CNTNAP2: variants seen among roughly 807,000 people sequenced by gnomAD.
CNTNAP2 encodes contactin-associated protein-like 2.
In CNTNAP2, 98 loss-of-function variants were observed where a neutral mutation model predicts 155.2. That is an observed-to-expected ratio of 0.63 (90% CI 0.54 to 0.75). The LOEUF is 0.75. Ranked by LOEUF, CNTNAP2 falls within the 30% of genes least tolerant of loss-of-function variation. The pLI, the probability that CNTNAP2 is intolerant of heterozygous loss-of-function variation, is 0.00. For missense variants in CNTNAP2, 1,727 were observed against 1,688.1 expected (o/e 1.02, Z -0.40); for synonymous variants, 651 against 631.2 (o/e 1.03, Z -0.47).
At chr7:146,977,205 G>A (rs969755489) in intron 3 of CNTNAP2, among the ~76,000 whole-genome samples, 4 of 152,170 alleles carry the variant, frequency 2.6e-5, no homozygotes, top group African/African-American at 7.2e-5. Context: ...AAAACTTGCA[G>A]AGAGAAATGA....
intron 9 of CNTNAP2, among the ~76,000 whole-genome samples, chr7:147,359,269 A>G (rs1796110585): frequency 1.3e-5 from 2 of 152,230 alleles, no homozygotes; most frequent in South Asian, 4.1e-4. Flanking sequence ...TGACTCAATC[A>G]TCAGCAAATC....
intron 12 of CNTNAP2, among the ~76,000 whole-genome samples, chr7:147,626,068 G>A (rs1393230798): frequency 6.6e-6 from 1 of 152,114 alleles, no homozygotes; most frequent in Non-Finnish European, 1.5e-5. Flanking sequence ...GGCCCTTGGG[G>A]AAGGCAGCCA....
chr7:147,278,157 C>T (rs187760336), intron 8 of CNTNAP2, among the ~76,000 whole-genome samples: 1 of 150,440 alleles, frequency 6.6e-6, no homozygotes, highest in East Asian at 2.0e-4. Flanking sequence ...GCCTCCTACA[C>T]TTCCATCCCT....
intron 4 of CNTNAP2, among the ~76,000 whole-genome samples, chr7:147,093,102 G>A (rs534368965): frequency 6.4e-4 from 97 of 151,276 alleles, no homozygotes; most frequent in South Asian, 2.9e-3. Flanking sequence ...TTAGCCGGGC[G>A]TGGTGGCGGA....
chr7:148,153,134 A>T (rs1294441694), intron 17 of CNTNAP2, among the ~76,000 whole-genome samples: 1 of 151,450 alleles, frequency 6.6e-6, no homozygotes, highest in Non-Finnish European at 1.5e-5. Context: ...CTGTGAGGCT[A>T]GAAGCAGGAC....
chr7:147,007,336 A>C (rs1376993232), intron 3 of CNTNAP2, among the ~76,000 whole-genome samples: 2 of 152,022 alleles, frequency 1.3e-5, no homozygotes. Flanking sequence ...TTCTTTTTGC[A>C]TTGATTCCAA....
chr7:146,357,232 CAAAAAAAAAA>C (rs71525940), intron 1 of CNTNAP2, among the ~76,000 whole-genome samples: 3 of 98,506 alleles, frequency 3.0e-5, no homozygotes, highest in African/African-American at 1.1e-4. Flanking sequence ...TACAGTGCTC[CAAAAAAAAAA>C]AAAAAAAAAG....
chr7:146,928,505 C>G (rs185460311), intron 3 of CNTNAP2, among the ~76,000 whole-genome samples: 267 of 152,250 alleles, frequency 1.8e-3, no homozygotes, highest in African/African-American at 6.1e-3. Flanking sequence ...CCAGCATGAA[C>G]GACGCAGAAG....
intron 10 of CNTNAP2, among the ~76,000 whole-genome samples, chr7:147,446,982 T>C (rs1400414730): frequency 6.6e-6 from 1 of 152,196 alleles, no homozygotes; most frequent in Admixed American, 6.5e-5. Context: ...TTGCAGACTA[T>C]GGTAATATTT....
At chr7:146,402,468 A>T (rs751971372) in intron 1 of CNTNAP2, among the ~76,000 whole-genome samples, 9 of 152,176 alleles carry the variant, frequency 5.9e-5, no homozygotes, top group Non-Finnish European at 1.0e-4. Context: ...GTTCTAAAAT[A>T]AAATGTAAAA....
intron 10 of CNTNAP2, among the ~76,000 whole-genome samples, chr7:147,427,135 C>T (rs1270261487): frequency 6.6e-6 from 1 of 152,086 alleles, no homozygotes; most frequent in East Asian, 1.9e-4. Context: ...AATGCAGTCT[C>T]CTCACATGGT....
rs531321179 is a variant in CNTNAP2 at position 146,343,382 on chromosome 7, C to T, written c.97+226409C>T. ...TTTTTCGTGTAAAGAAAACAGTCAT[C>T]AGCATAAGATTTAAAATCTTAAATG... On this transcript the variant is annotated intron_variant, in intron 1 of 23. Coordinates refer to ENST00000361727, the MANE Select transcript of CNTNAP2 (RefSeq NM_014141.6). Among the ~76,000 whole-genome samples, 382 of 152,004 alleles carry T rather than the reference C, an allele frequency of 2.5e-3. 4 individuals carry two copies. The highest frequency in any genetic ancestry group is 8.6e-3 in the African/African-American group (356 of 41,458).
At chr7:146,708,588 A>ATTTTTTTTTTTTTTTTTTTTTT (rs71165029) in intron 1 of CNTNAP2, among the ~76,000 whole-genome samples, 2 of 63,956 alleles carry the variant, frequency 3.1e-5, no homozygotes, top group Admixed American at 2.7e-4. Context: ...AAAAAAAGTG[A>ATTTTTTTTTTTTTTTTTTTTTT]TTTTTTTTTT....
intron 2 of CNTNAP2, chr7:146,786,748 C>T (rs960391790): frequency 6.6e-6 from 1 of 152,176 alleles, no homozygotes; most frequent in African/African-American, 2.4e-5. Context: ...TTTCCCTTAG[C>T]TATTATGATT....
At chr7:147,899,897 AAAAAAAAAG>A (rs1277412953) in intron 13 of CNTNAP2, among the ~76,000 whole-genome samples, 3 of 74,132 alleles carry the variant, frequency 4.0e-5, no homozygotes, top group Non-Finnish European at 6.4e-5. Context: ...CATCTCAAAA[AAAAAAAAAG>A]AAAGAAAGAA....
chr7:147,503,095 A>T (rs1348101534), intron 11 of CNTNAP2, among the ~76,000 whole-genome samples: 1 of 152,198 alleles, frequency 6.6e-6, no homozygotes. Context: ...ACAGATTTGC[A>T]GTTTAGAAGT....
intron 16 of CNTNAP2, among the ~76,000 whole-genome samples, chr7:148,128,386 TAAC>T (rs1308321626): frequency 6.6e-6 from 1 of 152,224 alleles, no homozygotes; most frequent in Non-Finnish European, 1.5e-5. Context: ...GAATATTTAA[TAAC>T]AACACTTGTG....
chr7:147,832,359 ATATT>A (rs1030889897), intron 13 of CNTNAP2, among the ~76,000 whole-genome samples: 16 of 146,512 alleles, frequency 1.1e-4, no homozygotes, highest in East Asian at 5.8e-4. Context: ...TATACATAAT[ATATT>A]TAATATATAT....
chr7:146,806,383 C>A (rs780991956), intron 2 of CNTNAP2, among the ~76,000 whole-genome samples: 37 of 151,822 alleles, frequency 2.4e-4, no homozygotes, highest in Non-Finnish European at 4.4e-4. Flanking sequence ...GTAATCCCAG[C>A]TACTTGGGAG....
Sources: gnomAD v4.1 joint callset for allele counts (sites outside exome capture counted in the v4.1 genomes callset) on GRCh38, gnomAD v4.1.1 for gene constraint, MANE v1.5 for transcripts, NCBI Gene and HGNC (gene_info 2026-07-23, HGNC 2026-07-21) for gene names.